Variants in PCDHA10 observed in about 807,000 individuals in gnomAD.
PCDHA10 encodes protocadherin alpha-10.
In PCDHA10, 45 loss-of-function variants were observed where a neutral mutation model predicts 61.2. The observed-to-expected ratio is 0.74, with a 90% CI of 0.58 to 0.94. The LOEUF is 0.94. PCDHA10 is among the 40% of genes least tolerant of loss of function. The probability of loss-of-function intolerance (pLI) is 0.00; values close to 1 mark genes in which losing one functional copy is unlikely to be tolerated. For synonymous variants in PCDHA10, 602 were observed against 548.8 expected (o/e 1.10, Z -1.35); for missense variants, 1,278 against 1,236.2 (o/e 1.03, Z -0.51).
At chr5:140,990,862 AT>A (rs2097420167) in intron 3 of PCDHA10, among the ~76,000 whole-genome samples, 1 of 152,198 alleles carries the variant, frequency 6.6e-6, no homozygotes, top group Non-Finnish European at 1.5e-5. Flanking sequence ...AGGACATTGT[AT>A]TTTAAGTGTA....
chr5:140,923,489 A>C (rs549066009), intron 1 of PCDHA10, among the ~76,000 whole-genome samples: 2 of 152,182 alleles, frequency 1.3e-5, no homozygotes, highest in Non-Finnish European at 2.9e-5. Flanking sequence ...TCTTCACACC[A>C]CTGCACTCCA....
chr5:140,964,099 C>T (rs2095809950), intron 1 of PCDHA10, among the ~76,000 whole-genome samples: 1 of 152,142 alleles, frequency 6.6e-6, no homozygotes, highest in South Asian at 2.1e-4. Flanking sequence ...TAATTAACAA[C>T]AGTCTGAGCA....
chr5:140,875,497 C>T, intron 1 of PCDHA10: 1 of 1,613,256 alleles, frequency 6.2e-7, no homozygotes, highest in Non-Finnish European at 8.5e-7. Flanking sequence ...ACCAAGAGGC[C>T]CGGGATCCCA....
In PCDHA10 at chr5:140,870,537, G is replaced by A. The variant is rs575452776; in HGVS notation, c.2388+12101G>A. On this transcript the variant is annotated intron_variant, in intron 1 of 3. Transcript: ENST00000307360. ...GCTGCCACATCTTCACAGTGTCGGC[G>A]CGGGACGCGGACGCGCAGGAGAACG... 9.3e-6 allele frequency: 15 copies of A among 1,614,172 alleles called. No homozygotes were observed. In the African/African-American group the frequency reaches 1.7e-4, roughly 19 times the overall value.
intron 1 of PCDHA10, among the ~76,000 whole-genome samples, chr5:140,903,368 A>G (rs1554190936): frequency 6.6e-6 from 1 of 152,234 alleles, no homozygotes; most frequent in Non-Finnish European, 1.5e-5. Flanking sequence ...TCAAAAATAT[A>G]GGGAGGATTG....
intron 1 of PCDHA10, among the ~76,000 whole-genome samples, chr5:140,874,280 C>CA (rs1218640311): frequency 6.6e-6 from 1 of 152,146 alleles, no homozygotes; most frequent in Non-Finnish European, 1.5e-5. Context: ...AATAGACTTA[C>CA]AAAATCTATG....
rs2052689459 is a variant in PCDHA10, at chr5:140,871,081, G to T, written c.2388+12645G>T. 9 of 1,613,214 alleles carry T rather than the reference G, an allele frequency of 5.6e-6. No homozygotes were observed. The African/African-American group carries it at 6.7e-5, about 12-fold the overall frequency. On this transcript the variant is annotated intron_variant, in intron 1 of 3. Coordinates refer to ENST00000307360, the MANE Select transcript of PCDHA10 (RefSeq NM_018901.4). ...GGATCACGGTGAGCCGGCGCTGACG[G>T]CCACGGCCACCGTGCTGGTGTCGTT... is the stretch of plus-strand genomic sequence containing the variant.
At chr5:140,968,921 T>C (rs111394602) in intron 1 of PCDHA10, 34 of 1,614,098 alleles carry the variant, frequency 2.1e-5, no homozygotes, top group Non-Finnish European at 2.6e-5. Context: ...GTCTTTTATA[T>C]TTCTTTTGAC....
chr5:140,998,708 G>A (rs2153953637), intron 3 of PCDHA10, among the ~76,000 whole-genome samples: 1 of 152,142 alleles, frequency 6.6e-6, no homozygotes, highest in South Asian at 2.1e-4. Context: ...GGGATTACAA[G>A]CTTGCACCAC....
chr5:140,870,346 G>C (rs782365260), intron 1 of PCDHA10: 2 of 1,614,236 alleles, frequency 1.2e-6, no homozygotes, highest in Non-Finnish European at 1.7e-6. Context: ...CCTGGACCGC[G>C]AGAACGTGTG....
In PCDHA10 at chr5:140,927,151, T is replaced by C. The variant is rs781865588; in HGVS notation, c.2389-51798T>C. ...AGAGCCGGCGGACCGCGAACAGCTGTGCAGGGCCAAAGCTGCCTGCGTCTT... is the reference window on the plus strand; with the variant it reads ...AGAGCCGGCGGACCGCGAACAGCTGCGCAGGGCCAAAGCTGCCTGCGTCTT... On this transcript the variant is annotated intron_variant, in intron 1 of 3. Coordinates refer to ENST00000307360, the MANE Select transcript of PCDHA10 (RefSeq NM_018901.4). 15 of 1,614,128 alleles carry C rather than the reference T, an allele frequency of 9.3e-6. No homozygotes were observed. In the East Asian group the frequency reaches 3.3e-4, roughly 36 times the overall value.
chr5:141,003,520 C>G (rs1171208921), intron 3 of PCDHA10, among the ~76,000 whole-genome samples: 2 of 152,244 alleles, frequency 1.3e-5, no homozygotes, highest in Middle Eastern at 3.4e-3. Flanking sequence ...ACCATGTTCC[C>G]TAGGCTGGTC....
intron 1 of PCDHA10, chr5:140,966,787 A>G (rs781920865): frequency 6.5e-7 from 1 of 1,526,816 alleles, no homozygotes; most frequent in African/African-American, 1.4e-5. Context: ...CGGGCACCAG[A>G]CCTGCGGCGA....
chr5:140,956,177 A>G (rs1261759530), intron 1 of PCDHA10, among the ~76,000 whole-genome samples: 6 of 152,192 alleles, frequency 3.9e-5, no homozygotes, highest in Non-Finnish European at 8.8e-5. Flanking sequence ...AGAACTTCCA[A>G]TACTATGCTG....
rs182574783 is a variant in PCDHA10, at chr5:140,952,922, G to A, written c.2389-26027G>A. Among the ~76,000 whole-genome samples the A allele has an allele frequency of 2.3e-3, 351 of 152,216 alleles. 2 individuals carry two copies. Among genetic ancestry groups the A allele is most frequent in the Admixed American group, 5.6e-3 (85 of 15,264 alleles). Reference sequence around the variant, plus strand: ...ATCAAGCTCATCTTACATGGCATGAGCAGGAGCAGGAGCAAGAGAGAGAGA... The same window carrying A: ...ATCAAGCTCATCTTACATGGCATGAACAGGAGCAGGAGCAAGAGAGAGAGA... On this transcript the variant is annotated intron_variant, in intron 1 of 3. Transcript: ENST00000307360.
intron 1 of PCDHA10, among the ~76,000 whole-genome samples, chr5:140,889,031 A>C (rs1234867332): frequency 6.6e-6 from 1 of 152,012 alleles, no homozygotes; most frequent in African/African-American, 2.4e-5. Flanking sequence ...GGATAACCGT[A>C]ATTTGATTAT....
At chr5:140,869,141 G>A in intron 1 of PCDHA10, 1 of 1,613,314 alleles carries the variant, frequency 6.2e-7, no homozygotes, top group Non-Finnish European at 8.5e-7. Context: ...GGCACCCCAC[G>A]ACTACAGCTC....
At chr5:140,890,217 G>T (rs2153429721) in intron 1 of PCDHA10, among the ~76,000 whole-genome samples, 1 of 152,142 alleles carries the variant, frequency 6.6e-6, no homozygotes, top group South Asian at 2.1e-4. Context: ...TTTTCCCAGA[G>T]ACCTAGTTGT....
At chr5:140,967,548 C>T (rs782750678) in intron 1 of PCDHA10, 15 of 1,613,922 alleles carry the variant, frequency 9.3e-6, no homozygotes, top group Non-Finnish European at 1.3e-5. Context: ...GACCAGTCCA[C>T]TTATCGCGTC....
Sources: allele counts gnomAD v4.1 joint callset (sites outside exome capture counted in the v4.1 genomes callset), GRCh38; gene constraint gnomAD v4.1.1; transcripts MANE v1.5; gene names NCBI Gene and HGNC (gene_info 2026-07-23, HGNC 2026-07-21).